Variants in PTRH2 observed in about 807,000 individuals in gnomAD.
PTRH2 encodes peptidyl-tRNA hydrolase 2, mitochondrial.
A neutral mutation model predicts 12.3 loss-of-function variants in PTRH2; 10 were observed. The ratio of observed to expected loss-of-function variants is 0.81; its 90% confidence interval spans 0.50 to 1.38. The LOEUF (loss-of-function observed/expected upper bound fraction) is 1.38. Ranked by LOEUF, PTRH2 falls within the 40% of genes most tolerant of loss-of-function variation. The probability of loss-of-function intolerance (pLI) is 0.00; values close to 1 mark genes in which losing one functional copy is unlikely to be tolerated. For synonymous variants in PTRH2, 73 were observed against 77.4 expected (o/e 0.94, Z 0.30); for missense variants, 176 against 214.1 (o/e 0.82, Z 1.11).
chr17:59,706,029 T>C (rs2033646210), intron 1 of PTRH2, among the ~76,000 whole-genome samples: 2 of 152,180 alleles, frequency 1.3e-5, no homozygotes. Flanking sequence ...ATGCTAAAAT[T>C]AACACATATT....
At position 59,697,743 on chromosome 17, in the gene PTRH2, T is replaced by C. The variant is rs752177984; in HGVS notation, c.236A>G (p.Lys79Arg). Residue 79 changes from lysine to arginine, a missense_variant, in exon 2 of 2, where the codon AAA (lysine) becomes AGA (arginine). Physicochemically the swap from Lys to Arg is conservative, Grantham distance 26. Transcript: ENST00000393038. ...LVVRNDLKMG[K>R]GKVAAQCSHA... ...AGAGCACTGGGCAGCCACTTTCCCT[T>C]TTCCCATCTTTAAGTCATTTCGAAC... 10 of 1,614,180 alleles carry C rather than the reference T, an allele frequency of 6.2e-6. No homozygotes were observed. Among genetic ancestry groups the C allele is most frequent in the Non-Finnish European group, 8.5e-6 (10 of 1,180,024 alleles).
rs1567983978 is a variant in PTRH2, at chr17:59,697,678, TTC to T, written c.299_300del (p.Arg100LysfsTer3). 6.2e-7 allele frequency: 1 copy of T among 1,614,126 alleles called. No individual in the cohort carries two copies. The highest frequency in any genetic ancestry group is 8.5e-7 in the Non-Finnish European group (1 of 1,179,954). On this transcript the variant is annotated frameshift_variant, in exon 2 of 2. Coordinates refer to ENST00000393038, the MANE Select transcript of PTRH2 (RefSeq NM_016077.5). LOFTEE classifies it high-confidence loss of function. The part of the protein sequence containing the change: ...AVSAYKQIQR[R>X]NPEMLKQWEY... ...TCCCATTGTTTGAGCATTTCAGGAT[TTC>T]TTCTTTGAATCTGCTTGTAGGCTGA... is the stretch of plus-strand genomic sequence containing the variant.
chr17:59,702,047 A>G (rs567256337), intron 1 of PTRH2, among the ~76,000 whole-genome samples: 59 of 152,234 alleles, frequency 3.9e-4, no homozygotes, highest in African/African-American at 1.3e-3. Flanking sequence ...ATACTTTGAC[A>G]TGTATTGTTA....
intron 1 of PTRH2, among the ~76,000 whole-genome samples, chr17:59,705,005 C>G (rs1436469799): frequency 6.6e-6 from 1 of 152,180 alleles, no homozygotes; most frequent in Non-Finnish European, 1.5e-5. Context: ...CCAGGCTGGT[C>G]TCGAACTCCT....
intron 1 of PTRH2, among the ~76,000 whole-genome samples, chr17:59,706,325 T>A (rs1185825467): frequency 6.6e-6 from 1 of 152,132 alleles, no homozygotes; most frequent in Non-Finnish European, 1.5e-5. Context: ...TCCCATTACC[T>A]CCTTCTGCAC....
chr17:59,701,990 C>T (rs895248257), intron 1 of PTRH2, among the ~76,000 whole-genome samples: 7 of 152,026 alleles, frequency 4.6e-5, no homozygotes, highest in Non-Finnish European at 8.8e-5. Context: ...AGGTGTGAGC[C>T]ACTGTGCTCG....
intron 1 of PTRH2, among the ~76,000 whole-genome samples, chr17:59,704,057 CTCG>C (rs1279670898): frequency 6.6e-6 from 1 of 151,746 alleles, no homozygotes; most frequent in African/African-American, 2.4e-5. Flanking sequence ...ATCCACCCAC[CTCG>C]ACCTCCCAAA....
intron 1 of PTRH2, among the ~76,000 whole-genome samples, chr17:59,705,447 T>C (rs1417256826): frequency 2.6e-5 from 4 of 151,250 alleles, no homozygotes; most frequent in Non-Finnish European, 4.4e-5. Flanking sequence ...AGAGAAGGGG[T>C]CTCCCTCTGT....
chr17:59,698,015 G>A (rs1328487050), intron 1 of PTRH2, 37 bp from the exon 2 acceptor site: 1 of 1,581,484 alleles, frequency 6.3e-7, no homozygotes, highest in Non-Finnish European at 8.6e-7. Context: ...CTATCCGGCA[G>A]TAACAACTTA....
intron 1 of PTRH2, chr17:59,701,109 T>G (rs1362310893): frequency 6.6e-6 from 1 of 152,252 alleles, no homozygotes; most frequent in Non-Finnish European, 1.5e-5. Flanking sequence ...CCATCCACAC[T>G]CATCCTTTGC....
At chr17:59,699,698 C>T (rs1205727598) in intron 1 of PTRH2, 3 of 152,862 alleles carry the variant, frequency 2.0e-5, no homozygotes, top group Non-Finnish European at 4.4e-5. Flanking sequence ...CTGACGATTT[C>T]GCTGCATCAC....
intron 1 of PTRH2, among the ~76,000 whole-genome samples, chr17:59,703,885 G>A (rs910664774): frequency 5.0e-4 from 75 of 149,016 alleles, no homozygotes; most frequent in African/African-American, 1.7e-3. Flanking sequence ...TTGGTTCACT[G>A]CAACCTCCAC....
At chr17:59,704,763 AC>A (rs1209460534) in intron 1 of PTRH2, among the ~76,000 whole-genome samples, 1 of 151,688 alleles carries the variant, frequency 6.6e-6, no homozygotes, top group Non-Finnish European at 1.5e-5. Flanking sequence ...TACAGCCCCC[AC>A]CCCCTAAAAG....
At chr17:59,701,314 T>A (rs750107779) in intron 1 of PTRH2, 7 of 152,238 alleles carry the variant, frequency 4.6e-5, no homozygotes, top group Admixed American at 2.0e-4. Context: ...TATCAAAGAC[T>A]GATTTATGGA....
chr17:59,699,186 C>T (rs766147248), intron 1 of PTRH2: 2 of 330,582 alleles, frequency 6.0e-6, no homozygotes, highest in East Asian at 6.2e-5. Context: ...TCGTAATTGA[C>T]GTCCATTTCT....
At chr17:59,703,365 G>T (rs2033587629) in intron 1 of PTRH2, among the ~76,000 whole-genome samples, 1 of 151,802 alleles carries the variant, frequency 6.6e-6, no homozygotes, top group Admixed American at 6.6e-5. Context: ...GGTTTATCAG[G>T]ATATAACCCC....
intron 1 of PTRH2, among the ~76,000 whole-genome samples, chr17:59,706,675 CTTTTT>C (rs34194454): frequency 7.2e-6 from 1 of 138,926 alleles, no homozygotes; most frequent in Non-Finnish European, 1.5e-5. Context: ...TTTTTTCTTT[CTTTTT>C]TTTTTTTTTC....
chr17:59,698,292 T>C (rs954694011), intron 1 of PTRH2: 1 of 348,882 alleles, frequency 2.9e-6, no homozygotes, highest in African/African-American at 2.1e-5. Context: ...TTTACCAAGA[T>C]GCCTAAGATT....
chr17:59,705,655 C>T (rs1365627529), intron 1 of PTRH2, among the ~76,000 whole-genome samples: 1 of 152,072 alleles, frequency 6.6e-6, no homozygotes, highest in Admixed American at 6.5e-5. Context: ...TCTGGAACTC[C>T]TGGCCTCAAG....
Sources: gnomAD v4.1 joint callset for allele counts (sites outside exome capture counted in the v4.1 genomes callset) on GRCh38, gnomAD v4.1.1 for gene constraint, MANE v1.5 for transcripts, NCBI Gene and HGNC (gene_info 2026-07-23, HGNC 2026-07-21) for gene names.